TMC1: variants seen among roughly 807,000 people sequenced by gnomAD.
The protein encoded by TMC1 is transmembrane channel like 1, also known as transmembrane channel-like protein 1.
In TMC1, 84 loss-of-function variants were observed where a neutral mutation model predicts 105.8. The observed-to-expected ratio is 0.79, with a 90% CI of 0.67 to 0.95. The LOEUF (loss-of-function observed/expected upper bound fraction) is 0.95, where lower values mean the gene tolerates loss of function less well. Ranked by LOEUF, TMC1 falls within the 40% of genes least tolerant of loss-of-function variation. The pLI, the probability that TMC1 is intolerant of heterozygous loss-of-function variation, is 0.00. For synonymous variants in TMC1, 315 were observed against 311.5 expected, an observed-to-expected ratio of 1.01 and a Z score of -0.12; for missense variants, 817 against 914.1, an observed-to-expected ratio of 0.89 and a Z score of 1.37.
At chr9:72,747,473 G>T (rs114907653) in intron 10 of TMC1, among the ~76,000 whole-genome samples, 5,400 of 152,290 alleles carry the variant, frequency 0.035, 134 homozygotes, top group Non-Finnish European at 0.049. Flanking sequence ...CAGAAAGAGA[G>T]TTGAAATTTT....
chr9:72,584,832 T>A (rs1824529545), intron 2 of TMC1, among the ~76,000 whole-genome samples: 1 of 143,102 alleles, frequency 7.0e-6, no homozygotes, highest in Non-Finnish European at 1.5e-5. Context: ...TTGCCCAGGC[T>A]GGAGTGCAGT....
At chr9:72,721,173 C>T (rs1827017606) in intron 8 of TMC1, among the ~76,000 whole-genome samples, 1 of 152,174 alleles carries the variant, frequency 6.6e-6, no homozygotes, top group South Asian at 2.1e-4. Context: ...CTCTCTGCCT[C>T]TTCTATTTGC....
chr9:72,555,554 A>G (rs538852032), intron 1 of TMC1, among the ~76,000 whole-genome samples: 50 of 152,226 alleles, frequency 3.3e-4, no homozygotes, highest in Middle Eastern at 3.4e-3. Flanking sequence ...TGTGGATGGT[A>G]GGAGAAATCC....
intron 1 of TMC1, among the ~76,000 whole-genome samples, chr9:72,529,390 G>A (rs1389187092): frequency 1.3e-5 from 2 of 152,094 alleles, no homozygotes; most frequent in African/African-American, 4.8e-5. Flanking sequence ...AGAGGGCTAT[G>A]GTTGCACCTG....
intron 1 of TMC1, among the ~76,000 whole-genome samples, chr9:72,546,656 A>G (rs922737813): frequency 6.6e-6 from 1 of 152,210 alleles, no homozygotes; most frequent in African/African-American, 2.4e-5. Flanking sequence ...TGCACACAAA[A>G]TTTTAAAGAC....
intron 5 of TMC1, among the ~76,000 whole-genome samples, chr9:72,653,467 A>C (rs770988241): frequency 6.6e-6 from 1 of 152,218 alleles, no homozygotes; most frequent in Non-Finnish European, 1.5e-5. Flanking sequence ...TACATACCAT[A>C]GGTTACTATT....
At chr9:72,820,767 C>G in intron 19 of TMC1, 75 bp from the exon 20 acceptor site, 1 of 1,587,138 alleles carries the variant, frequency 6.3e-7, no homozygotes, top group Non-Finnish European at 8.6e-7. Flanking sequence ...AGCATGATGT[C>G]AAATAAACAG....
intron 1 of TMC1, among the ~76,000 whole-genome samples, chr9:72,538,903 C>T (rs974238849): frequency 3.9e-5 from 6 of 152,074 alleles, no homozygotes; most frequent in African/African-American, 1.4e-4. Flanking sequence ...TGTCTAAACT[C>T]CAAAGGGGGA....
intron 13 of TMC1, among the ~76,000 whole-genome samples, chr9:72,786,354 G>C (rs1437223916): frequency 1.3e-5 from 2 of 152,212 alleles, no homozygotes; most frequent in Non-Finnish European, 2.9e-5. Context: ...TGAGGCAGGA[G>C]AATGGCGTGA....
At chr9:72,578,507 C>T (rs529866269) in intron 2 of TMC1, among the ~76,000 whole-genome samples, 1 of 152,270 alleles carries the variant, frequency 6.6e-6, no homozygotes, top group African/African-American at 2.4e-5. Flanking sequence ...GGAGTCCGAA[C>T]AACTCTGCAT....
intron 7 of TMC1, among the ~76,000 whole-genome samples, chr9:72,696,167 C>G (rs1826547348): frequency 6.6e-6 from 1 of 152,166 alleles, no homozygotes; most frequent in South Asian, 2.1e-4. Context: ...TTCCTCTGCT[C>G]TCTTCGTCTG....
At chr9:72,725,347 A>T (rs200534066) in intron 8 of TMC1, among the ~76,000 whole-genome samples, 1 of 97,158 alleles carries the variant, frequency 1.0e-5, no homozygotes, top group Non-Finnish European at 2.0e-5. Context: ...ATATATATAT[A>T]TATATATATA....
At chr9:72,546,404 A>T (rs1333383022) in intron 1 of TMC1, among the ~76,000 whole-genome samples, 2 of 152,224 alleles carry the variant, frequency 1.3e-5, no homozygotes, top group Admixed American at 6.6e-5. Flanking sequence ...GACATTATTT[A>T]ATTCTTTGCT....
chr9:72,639,016 G>A (rs768570495), intron 4 of TMC1, among the ~76,000 whole-genome samples: 1 of 152,026 alleles, frequency 6.6e-6, no homozygotes, highest in Admixed American at 6.6e-5. Context: ...CCTACCATAG[G>A]TGGAATTTTT....
chr9:72,645,530 G>T lies in TMC1; in HGVS notation c.-52-3067G>T, dbSNP rs1320150293. Among the ~76,000 whole-genome samples, 9 of 152,266 alleles carry T rather than the reference G, an allele frequency of 5.9e-5. No individual in the cohort carries two copies. The East Asian group carries it at 1.7e-3, about 29-fold the overall frequency. Reference sequence around the variant, plus strand: ...GGCAACAGTTTTTTGGATGTTCAAGGCACTTTTCTTGACTTTCTGGAGGGT... The same window carrying T: ...GGCAACAGTTTTTTGGATGTTCAAGTCACTTTTCTTGACTTTCTGGAGGGT... On this transcript the variant is annotated intron_variant, in intron 4 of 23. Transcript: ENST00000297784.
rs138453794 is a variant in TMC1, at chr9:72,789,561, A to G, written c.1224+244A>G. On this transcript the variant is annotated intron_variant, in intron 15 of 23. Coordinates refer to ENST00000297784, the MANE Select transcript of TMC1 (RefSeq NM_138691.3). ...AGTCAGAAAAGATATTAAAAAACAC[A>G]TAGTCTAATCATTATGTTTTACAGA... 2.4e-4 allele frequency among the ~76,000 whole-genome samples: 36 copies of G among 152,316 alleles called. No homozygotes were observed. In the East Asian group the frequency reaches 4.2e-3, roughly 18 times the overall value.
intron 2 of TMC1, among the ~76,000 whole-genome samples, chr9:72,598,398 G>T (rs1196493983): frequency 6.6e-6 from 1 of 151,994 alleles, no homozygotes; most frequent in Non-Finnish European, 1.5e-5. Flanking sequence ...CCTTGACCTT[G>T]GGAGGCAGAT....
At chr9:72,568,058 G>A (rs1473501968) in intron 1 of TMC1, among the ~76,000 whole-genome samples, 3 of 148,966 alleles carry the variant, frequency 2.0e-5, no homozygotes, top group South Asian at 2.2e-4. Flanking sequence ...AGGGTGTGGC[G>A]CTGCCCTCAA....
intron 5 of TMC1, among the ~76,000 whole-genome samples, chr9:72,682,991 A>G (rs1826312356): frequency 6.6e-6 from 1 of 152,284 alleles, no homozygotes; most frequent in Non-Finnish European, 1.5e-5. Context: ...CTTTTAAACA[A>G]GATCTTGTGA....
Sources: allele counts gnomAD v4.1 joint callset (sites outside exome capture counted in the v4.1 genomes callset), GRCh38; gene constraint gnomAD v4.1.1; transcripts MANE v1.5; gene names NCBI Gene and HGNC (gene_info 2026-07-23, HGNC 2026-07-21).